The following SRGAP3 variants were observed in gnomAD, a reference collection of about 807,000 sequenced individuals.
SRGAP3 encodes SLIT-ROBO Rho GTPase-activating protein 3.
SRGAP3 carries 39 observed loss-of-function variants against 121.1 expected under a neutral mutation model. That is an observed-to-expected ratio of 0.32 (90% confidence interval 0.25 to 0.42). The LOEUF (loss-of-function observed/expected upper bound fraction) is 0.42. Among genes scored for constraint, SRGAP3 ranks in the 10% least tolerant of loss-of-function variants. The probability of loss-of-function intolerance (pLI) is 1.00; values close to 1 mark genes in which losing one functional copy is unlikely to be tolerated. For synonymous variants in SRGAP3, 601 were observed against 570.0 expected (o/e 1.05, Z -0.77); for missense variants, 1,213 against 1,470.6 (o/e 0.82, Z 2.86).
rs546716491 is a variant in SRGAP3 at position 8,980,725 on chromosome 3, T to C, written c.*4794A>G. The C allele has an allele frequency of 1.7e-4, 39 of 232,898 alleles. No homozygotes were observed. Among genetic ancestry groups the C allele is most frequent in the African/African-American group, 7.7e-4 (35 of 45,410 alleles). 14.4% of individuals were successfully genotyped at this position (232,898 alleles called of 1,614,324 possible). On this transcript the variant is annotated 3_prime_UTR_variant, in exon 22 of 22. Coordinates refer to ENST00000383836, the MANE Select transcript of SRGAP3 (RefSeq NM_014850.4). ...GTTTGGTCGTAAGGTAGAGAAACGA[T>C]ATCCAGAAGAGGGCAACATTTATCA...
chr3:9,146,969 C>T (rs146206004), intron 1 of SRGAP3, among the ~76,000 whole-genome samples: 179 of 152,322 alleles, frequency 1.2e-3, no homozygotes, highest in African/African-American at 4.1e-3. Context: ...CCTCCACGCA[C>T]ACCTGCAGTT....
At chr3:9,137,886 A>T (rs1211389618) in intron 1 of SRGAP3, among the ~76,000 whole-genome samples, 1 of 152,260 alleles carries the variant, frequency 6.6e-6, no homozygotes, top group African/African-American at 2.4e-5. Context: ...GAGTGAGGCC[A>T]CGCCTCCTCC....
intron 1 of SRGAP3, chr3:9,235,725 C>T (rs1359261858): frequency 6.6e-6 from 1 of 151,994 alleles, no homozygotes. Flanking sequence ...AGGATGGTCT[C>T]GATCTCCTGA....
intron 3 of SRGAP3, among the ~76,000 whole-genome samples, chr3:9,266,017 A>T (rs878865395): frequency 6.6e-6 from 1 of 152,230 alleles, no homozygotes; most frequent in Non-Finnish European, 1.5e-5. Context: ...TGTAGCACAT[A>T]TACACCACAG....
chr3:9,326,711 T>C (rs1439881921), intron 2 of SRGAP3, among the ~76,000 whole-genome samples: 1 of 151,842 alleles, frequency 6.6e-6, no homozygotes, highest in Non-Finnish European at 1.5e-5. Context: ...AAATTGTATA[T>C]TTAAACAATT....
rs1424072238 is a variant in SRGAP3 at position 8,985,940 on chromosome 3, C to CAG, written c.2887-10_2887-9dup. 17 of 1,599,610 alleles carry CAG rather than the reference C, an allele frequency of 1.1e-5. No individual in the cohort carries two copies. The highest frequency in any genetic ancestry group is 1.0e-4 in the Admixed American group (6 of 60,012). On this transcript the variant is annotated splice_polypyrimidine_tract_variant and intron_variant, in intron 21 of 21. Coordinates refer to ENST00000383836, the MANE Select transcript of SRGAP3 (RefSeq NM_014850.4). This position sits in a 1 kb window ranked among gnomAD's most constrained non-coding sequence, Gnocchi z 5.1. ...CATGGTCTTCTCGATGTCCTGGGGA[C>CAG]AGAGGGAGCTGGGGTCAGCACAGTC...
intron 10 of SRGAP3, among the ~76,000 whole-genome samples, chr3:9,045,119 A>G (rs1171411348): frequency 2.0e-5 from 3 of 151,148 alleles, no homozygotes; most frequent in African/African-American, 7.3e-5. Context: ...GATGTGGAGT[A>G]TATGAAAACT....
chr3:9,190,585 C>CA (rs1951721398), intron 1 of SRGAP3, among the ~76,000 whole-genome samples: 1 of 152,222 alleles, frequency 6.6e-6, no homozygotes, highest in South Asian at 2.1e-4. Flanking sequence ...TTAAAGCTGG[C>CA]ATGCACTGAA....
rs181056983 is a variant in SRGAP3, at chr3:9,116,598, A to G, written c.260+8127T>C. Reference sequence around the variant, plus strand: ...GGCTTCACCAAGAAGGCAAGCCCTAAGCTGGCCTCTGTGTAGGAGTTGACC... The same window carrying G: ...GGCTTCACCAAGAAGGCAAGCCCTAGGCTGGCCTCTGTGTAGGAGTTGACC... On this transcript the variant is annotated intron_variant, in intron 2 of 21. Transcript: ENST00000383836. Among the ~76,000 whole-genome samples, 557 of 152,324 alleles carry G rather than the reference A, an allele frequency of 3.7e-3. 6 individuals are homozygous for G. Among genetic ancestry groups the G allele is most frequent in the African/African-American group, 0.013 (537 of 41,568 alleles).
In SRGAP3 at chr3:9,175,837, C is replaced by A. The variant is rs1393437139; in HGVS notation, c.68-50920G>T. On this transcript the variant is annotated intron_variant, in intron 1 of 21. Coordinates refer to ENST00000383836, the MANE Select transcript of SRGAP3 (RefSeq NM_014850.4). ...CGTTATCAGCAAAGGTGATTTCCCA[C>A]CTCTTGAGGGATTAAAGTGCATAGA... Among the ~76,000 whole-genome samples, 5 of 152,206 alleles carry A rather than the reference C, an allele frequency of 3.3e-5. No individual in the cohort carries two copies. The East Asian group carries it at 9.6e-4, about 29-fold the overall frequency.
chr3:9,128,894 G>A (rs1473576435), intron 1 of SRGAP3, among the ~76,000 whole-genome samples: 5 of 152,200 alleles, frequency 3.3e-5, no homozygotes, highest in African/African-American at 7.2e-5. Flanking sequence ...AAGTGGTCAC[G>A]TTTGACGGGT....
At chr3:9,360,012 C>A (rs1015203776) in intron 1 of SRGAP3, among the ~76,000 whole-genome samples, 7 of 152,204 alleles carry the variant, frequency 4.6e-5, no homozygotes, top group African/African-American at 1.7e-4. Context: ...TCACTACAGA[C>A]TCGAACTCCT....
At chr3:9,201,489 G>A (rs1051167017) in intron 1 of SRGAP3, among the ~76,000 whole-genome samples, 1 of 152,248 alleles carries the variant, frequency 6.6e-6, no homozygotes, top group East Asian at 1.9e-4. Context: ...ACTCTCCAGA[G>A]GCAAGGAGCG....
At chr3:9,024,273 T>C (rs757505986) in intron 14 of SRGAP3, among the ~76,000 whole-genome samples, 6 of 152,198 alleles carry the variant, frequency 3.9e-5, no homozygotes, top group Admixed American at 1.3e-4. Context: ...TTTTCAAATA[T>C]TGGAAAACTG....
chr3:9,100,930 G>A (rs554544261), intron 3 of SRGAP3, among the ~76,000 whole-genome samples: 5 of 152,322 alleles, frequency 3.3e-5, no homozygotes, highest in African/African-American at 9.6e-5. Context: ...CCAGGAGGAC[G>A]ATGGAAGGAA....
At position 8,985,829 on chromosome 3, in the gene SRGAP3, G is replaced by T. The variant is rs752567219; in HGVS notation, c.2990C>A (p.Pro997His). The change falls in exon 22 of 22, where the codon CCC becomes CAC. Residue 997 changes from proline (P) to histidine (H), a missense_variant. Pro to His is a moderately conservative substitution (Grantham distance 77). This residue lies in a region of SRGAP3 where 420 missense variants were observed against 437.7 expected (regional missense o/e 0.96). Transcript: ENST00000383836. The surrounding 1 kb of genome is among the most constrained non-coding windows in gnomAD (Gnocchi z 5.1). ...APDVVLDTLE[P>H]LKNPPGPVSS... is the part of the protein sequence containing the mutation. ...GACGGGGCCTGGCGGGTTCTTCAGG[G>T]GCTCCAGGGTGTCCAGCACCACATC... The T allele has an allele frequency of 1.2e-6, 2 of 1,600,552 alleles. No individual in the cohort carries two copies. Among genetic ancestry groups the T allele is most frequent in the East Asian group, 4.5e-5 (2 of 44,848 alleles).
At chr3:9,069,757 G>A (rs999681833) in intron 4 of SRGAP3, among the ~76,000 whole-genome samples, 27 of 152,138 alleles carry the variant, frequency 1.8e-4, no homozygotes, top group East Asian at 9.6e-4. Context: ...GACCAGCCTG[G>A]CCAACATAGT....
rs752850616 is a variant in SRGAP3 at position 9,104,655 on chromosome 3, C to T, written c.423+25G>A. On this transcript the variant is annotated intron_variant, in intron 3 of 21. Transcript: ENST00000383836. ...GCCAGCTTGGGGCAAAGACCTGGGA[C>T]ACGTAGAGCAGCCCACTTGCCTACC... is the stretch of plus-strand genomic sequence containing the variant. The T allele has an allele frequency of 1.4e-5, 23 of 1,613,600 alleles. 1 individual carries two copies. The South Asian group carries it at 2.3e-4, about 16-fold the overall frequency.
intron 12 of SRGAP3, among the ~76,000 whole-genome samples, chr3:9,031,792 T>C (rs1299739701): frequency 6.6e-6 from 1 of 152,218 alleles, no homozygotes; most frequent in East Asian, 1.9e-4. Flanking sequence ...TCTATCATCT[T>C]CTCTGAAGAA....
Sources: allele counts gnomAD v4.1 joint callset (sites outside exome capture counted in the v4.1 genomes callset), GRCh38; gene constraint gnomAD v4.1.1; regional missense constraint gnomAD v4.1.1; non-coding constraint Gnocchi (gnomAD v3.1); transcripts MANE v1.5; gene names NCBI Gene and HGNC (gene_info 2026-07-23, HGNC 2026-07-21).